H2AZ2: variants seen among roughly 807,000 people sequenced by gnomAD.
The protein encoded by H2AZ2 is histone H2A.V.
In H2AZ2, 5 loss-of-function variants were observed where a neutral mutation model predicts 15.5. The ratio of observed to expected loss-of-function variants is 0.32; its 90% CI spans 0.17 to 0.68. H2AZ2 has a LOEUF of 0.68. Among genes scored for constraint, H2AZ2 ranks in the 30% least tolerant of loss-of-function variants. The pLI is 0.72. For missense variants in H2AZ2, 42 were observed against 162.5 expected (o/e 0.26, Z 4.03); for synonymous variants, 44 against 57.4 (o/e 0.77, Z 1.05).
At chr7:44,835,297 T>G in intron 4 of H2AZ2, 1 of 435,230 alleles carries the variant, frequency 2.3e-6, no homozygotes, top group Non-Finnish European at 4.0e-6. Context: ...AAGTATCATA[T>G]GAAATTTAGA....
rs1487679474 is a variant in H2AZ2 at position 44,848,029 on chromosome 7, G to A, written c.-58C>T. On this transcript the variant is annotated 5_prime_UTR_variant, in exon 1 of 5. Coordinates refer to ENST00000308153, the MANE Select transcript of H2AZ2 (RefSeq NM_012412.5). ...GCGCGCCCTCCCGCTGCCGACCCGC[G>A]CCGCCGCCGCCGCTCTCGCAGCACC... 8 of 1,043,992 alleles carry A rather than the reference G, an allele frequency of 7.7e-6. No homozygotes were observed. The highest frequency in any genetic ancestry group is 1.7e-5 in the African/African-American group (1 of 59,284). The allele number at this position is 1,043,992 out of a possible 1,614,324, so 64.7% of individuals were successfully genotyped here. A position where few individuals can be genotyped will look rare whatever the true frequency, so the allele number is the denominator to read the frequency against.
At chr7:44,846,620 C>T (rs1164696430) in intron 1 of H2AZ2, among the ~76,000 whole-genome samples, 1 of 140,742 alleles carries the variant, frequency 7.1e-6, no homozygotes, top group South Asian at 2.2e-4. Context: ...AAAAAAAAAA[C>T]CACAAAAAAC....
At chr7:44,830,393 G>A (rs905554387), downstream of H2AZ2, among the ~76,000 whole-genome samples, 1 of 152,150 alleles carries the variant, frequency 6.6e-6, no homozygotes, top group Non-Finnish European at 1.5e-5. Context: ...ACCAAAGCAA[G>A]TCACATTTCT....
intron 3 of H2AZ2, among the ~76,000 whole-genome samples, chr7:44,837,126 AC>A (rs992471243): frequency 2.0e-5 from 3 of 151,690 alleles, no homozygotes; most frequent in Non-Finnish European, 4.4e-5. Flanking sequence ...AAAAAATCAA[AC>A]TCCTGACCTT....
intron 2 of H2AZ2, among the ~76,000 whole-genome samples, chr7:44,841,846 G>A (rs1051081067): frequency 2.6e-5 from 4 of 152,044 alleles, no homozygotes; most frequent in African/African-American, 9.7e-5. Context: ...CTTCCTTTCC[G>A]CTGGTTCCTT....
chr7:44,837,445 A>G (rs1318036443), intron 3 of H2AZ2, among the ~76,000 whole-genome samples: 71 of 149,200 alleles, frequency 4.8e-4, no homozygotes, highest in Non-Finnish European at 8.8e-4. Flanking sequence ...AAAAAAAAAA[A>G]AAAAAAAAAG....
Position 44,848,040 on chromosome 7 carries a change from C to CGCT in H2AZ2, c.-72_-70dup. 9.3e-7 allele frequency: 1 copy of CGCT among 1,073,084 alleles called. No individual in the cohort carries two copies. The highest frequency in any genetic ancestry group is 3.5e-5 in the East Asian group (1 of 28,800). 66.5% of individuals were successfully genotyped at this position (1,073,084 alleles called of 1,614,324 possible). ...CGCTGCCGACCCGCGCCGCCGCCGC[C>CGCT]GCTCTCGCAGCACCGACCGCCGCCG... On this transcript the variant is annotated 5_prime_UTR_variant, in exon 1 of 5. Transcript: ENST00000308153.
downstream of H2AZ2, chr7:44,830,088 T>C (rs1792979526): frequency 1.3e-6 from 2 of 1,564,970 alleles, no homozygotes; most frequent in African/African-American, 2.7e-5. Flanking sequence ...AGTAGAATCT[T>C]GTTCCACTAA....
chr7:44,845,800 T>C lies in H2AZ2; in HGVS notation c.3+2169A>G, dbSNP rs867048959. ...AGATTCCTGATACATTTCTCATACT[T>C]AACAAAAGAAAACTTTTATGGTATC... On this transcript the variant is annotated intron_variant, in intron 1 of 4. Transcript: ENST00000308153. Among the ~76,000 whole-genome samples, 29 of 152,156 alleles carry C rather than the reference T, an allele frequency of 1.9e-4. 1 individual carries two copies. Among genetic ancestry groups the C allele is most frequent in the African/African-American group, 7.0e-4 (29 of 41,440 alleles).
At chr7:44,835,784 G>A (rs1467712175) in intron 3 of H2AZ2, 126 bp from the exon 4 acceptor site, 3 of 775,296 alleles carry the variant, frequency 3.9e-6, no homozygotes, top group African/African-American at 3.5e-5. Flanking sequence ...TTTCTTTCTT[G>A]TATTTCTATA....
chr7:44,846,655 C>CA (rs78453116), intron 1 of H2AZ2, among the ~76,000 whole-genome samples: 84,212 of 132,284 alleles, frequency 0.64, 28,918 homozygotes, highest in Non-Finnish European at 0.79. Flanking sequence ...AACAAAAAAC[C>CA]AAAAAAAAAA....
At chr7:44,841,580 G>A (rs947014283) in intron 2 of H2AZ2, among the ~76,000 whole-genome samples, 4 of 152,126 alleles carry the variant, frequency 2.6e-5, no homozygotes, top group Admixed American at 6.5e-5. Flanking sequence ...CGCCATCTTG[G>A]CTCACTGCAA....
At chr7:44,831,061 G>T (rs1056408385), downstream of H2AZ2, among the ~76,000 whole-genome samples, 1 of 152,192 alleles carries the variant, frequency 6.6e-6, no homozygotes, top group African/African-American at 2.4e-5. Context: ...CAGCTACTCA[G>T]GAGGCTGAGG....
intron 1 of H2AZ2, among the ~76,000 whole-genome samples, chr7:44,844,436 A>G (rs148103706): frequency 3.9e-4 from 59 of 152,220 alleles, no homozygotes; most frequent in African/African-American, 1.3e-3. Flanking sequence ...TGCCAGGGGT[A>G]GCTGCCTCCT....
Position 44,841,420 on chromosome 7 carries a change from T to C in H2AZ2, c.82-408A>G, listed in dbSNP as rs2117038874. 2.0e-5 allele frequency among the ~76,000 whole-genome samples: 3 copies of C among 152,274 alleles called. No individual in the cohort carries two copies. In the South Asian group the frequency reaches 6.2e-4, roughly 32 times the overall value. On this transcript the variant is annotated intron_variant, in intron 2 of 4. Transcript: ENST00000308153. ...TGATCTGATAGTTAAGAAAAATCAA[T>C]ACTATTATCTCATTGTGGTTCTTTC...
chr7:44,831,682 AAGT>A (rs1254261964), downstream of H2AZ2, among the ~76,000 whole-genome samples: 1 of 152,194 alleles, frequency 6.6e-6, no homozygotes, highest in East Asian at 1.9e-4. Flanking sequence ...TAATGAGCAC[AAGT>A]TCTTTATAGG....
rs1156782792 is a variant in H2AZ2, at chr7:44,834,417, A to T, written c.*84T>A. The T allele has an allele frequency of 1.3e-6, 2 of 1,513,448 alleles. No homozygotes were observed. The highest frequency in any genetic ancestry group is 2.4e-4 in the Middle Eastern group (1 of 4,110). The allele number at this position is 1,513,448 out of a possible 1,614,324, so 93.8% of individuals were successfully genotyped here. On this transcript the variant is annotated 3_prime_UTR_variant, in exon 5 of 5. Coordinates refer to ENST00000308153, the MANE Select transcript of H2AZ2 (RefSeq NM_012412.5). The stretch of plus-strand genomic sequence containing the variant: ...TATGCTTTTCCATTTAACTGTTGTT[A>T]AAAATTCCACATATCCCCATTATTT...
intron 1 of H2AZ2, among the ~76,000 whole-genome samples, chr7:44,847,187 A>G (rs956077682): frequency 2.0e-5 from 3 of 152,212 alleles, no homozygotes; most frequent in Non-Finnish European, 2.9e-5. Context: ...ACAATCTTTG[A>G]TGCAACTCAG....
chr7:44,846,946 T>C (rs923031830), intron 1 of H2AZ2, among the ~76,000 whole-genome samples: 2 of 152,180 alleles, frequency 1.3e-5, no homozygotes, highest in Non-Finnish European at 2.9e-5. Flanking sequence ...TAACCAAACA[T>C]TGTCCTCTCG....
Sources: allele counts gnomAD v4.1 joint callset (sites outside exome capture counted in the v4.1 genomes callset), GRCh38; gene constraint gnomAD v4.1.1; transcripts MANE v1.5; gene names NCBI Gene and HGNC (gene_info 2026-07-23, HGNC 2026-07-21).